ABCB1: variants seen among roughly 807,000 people sequenced by gnomAD.
ABCB1 encodes the protein ATP-dependent translocase ABCB1.
In ABCB1, 69 loss-of-function variants were observed where a neutral mutation model predicts 142.0. That is an observed-to-expected ratio of 0.49 (90% confidence interval 0.40 to 0.59). The LOEUF (loss-of-function observed/expected upper bound fraction) is 0.59. ABCB1 is among the 20% of genes least tolerant of loss of function. The pLI is 0.00. For synonymous variants in ABCB1, 532 were observed against 539.2 expected (o/e 0.99, Z 0.18); for missense variants, 1,326 against 1,554.7 (o/e 0.85, Z 2.47).
chr7:87,585,929 C>A (rs1818731798), intron 3 of ABCB1, among the ~76,000 whole-genome samples: 1 of 152,122 alleles, frequency 6.6e-6, no homozygotes, highest in South Asian at 2.1e-4. Flanking sequence ...TATATGAAGT[C>A]TAATGAGAAG....
At chr7:87,619,168 G>C (rs937424982) in intron 1 of ABCB1, among the ~76,000 whole-genome samples, 4 of 152,140 alleles carry the variant, frequency 2.6e-5, no homozygotes, top group African/African-American at 9.7e-5. Context: ...CTAAACATTG[G>C]CTTCCAAATT....
intron 21 of ABCB1, among the ~76,000 whole-genome samples, chr7:87,523,654 T>C (rs1205177644): frequency 1.3e-5 from 2 of 152,180 alleles, no homozygotes; most frequent in Non-Finnish European, 2.9e-5. Context: ...AATTATGTTG[T>C]AATCAAATGT....
intron 8 of ABCB1, among the ~76,000 whole-genome samples, chr7:87,559,267 T>C (rs1476110088): frequency 6.6e-6 from 1 of 152,128 alleles, no homozygotes; most frequent in East Asian, 1.9e-4. Flanking sequence ...AATTCAATTA[T>C]TTTAACGATT....
chr7:87,552,711 G>GAAAAAA (rs68010470), intron 9 of ABCB1, among the ~76,000 whole-genome samples: 1 of 141,352 alleles, frequency 7.1e-6, no homozygotes. Flanking sequence ...AGGCAAATTT[G>GAAAAAA]AAAAAAAAAG....
At chr7:87,577,928 A>G (rs1307217952) in intron 4 of ABCB1, among the ~76,000 whole-genome samples, 1 of 152,086 alleles carries the variant, frequency 6.6e-6, no homozygotes, top group East Asian at 1.9e-4. Flanking sequence ...ACTTGATGTG[A>G]TCCATTTGTC....
In ABCB1 at chr7:87,696,371, C is replaced by T. The variant is rs554700434; in HGVS notation, c.-331+16790G>A. On this transcript the variant is annotated intron_variant, in intron 1 of 28. Coordinates refer to the ABCB1 transcript ENST00000265724. ...CTTGTAACTTTGTTTTTAAATTTTC[C>T]TGTTAAATACAGGTTATAGACTTTT... Among the ~76,000 whole-genome samples, 5 of 152,074 alleles carry T rather than the reference C, an allele frequency of 3.3e-5. No individual in the cohort carries two copies. In the East Asian group the frequency reaches 9.7e-4, roughly 29 times the overall value.
rs779414215 is a variant in ABCB1, at chr7:87,546,008, G to C, written c.1742C>G (p.Thr581Ser). 6.2e-7 allele frequency: 1 copy of C among 1,614,106 alleles called. No homozygotes were observed. The highest frequency in any genetic ancestry group is 1.1e-5 in the South Asian group (1 of 91,076). Reference sequence around the variant, plus strand: ...CAAACGATGAGCTATCACAATGGTGGTCCGACCTTTTCTGGCCTAAAGAGA... The same window carrying C: ...CAAACGATGAGCTATCACAATGGTGCTCCGACCTTTTCTGGCCTAAAGAGA... ...VALDKARKGR[T>S]TIVIAHRLST... The change falls in exon 15 of 28, where the codon ACC becomes AGC. Residue 581 changes from threonine (T) to serine (S), a missense_variant. Physicochemically the swap from Thr to Ser is moderately conservative, Grantham distance 58. Transcript: ENST00000622132.
rs536000511 is a variant in ABCB1, at chr7:87,509,416, C to T, written c.3348G>A (p.Val1116=). The change falls in exon 26 of 28, where the codon GTG becomes GTA. Residue 1116 remains valine (V), a synonymous_variant. Transcript: ENST00000622132. ...AGTCAAACAGGATGGGCTCCTGGGA[C>T]ACGATGCCCAGGTGTGCTCGGAGCC... ...VQWLRAHLGI[V]SQEPILFDCS... 36 of 1,614,188 alleles carry T rather than the reference C, an allele frequency of 2.2e-5. No individual in the cohort carries two copies. The South Asian group carries it at 3.7e-4, about 17-fold the overall frequency.
chr7:87,552,509 C>T (rs1584873920), intron 9 of ABCB1, among the ~76,000 whole-genome samples: 3 of 152,076 alleles, frequency 2.0e-5, no homozygotes, highest in East Asian at 3.9e-4. Context: ...AAACCCCACA[C>T]TCCCTATTTT....
intron 21 of ABCB1, chr7:87,521,160 AAT>A: frequency 2.4e-6 from 1 of 424,204 alleles, no homozygotes; most frequent in East Asian, 4.9e-5. Context: ...GGCTTCGCAA[AAT>A]TAACCAGAGA....
chr7:87,528,999 G>C (rs751503245), intron 21 of ABCB1, among the ~76,000 whole-genome samples: 27 of 152,150 alleles, frequency 1.8e-4, no homozygotes, highest in Non-Finnish European at 4.4e-5. Context: ...TACAGAGTTT[G>C]GTAATCCATG....
chr7:87,699,878 G>A (rs1828862655), intron 1 of ABCB1, among the ~76,000 whole-genome samples: 1 of 152,096 alleles, frequency 6.6e-6, no homozygotes, highest in African/African-American at 2.4e-5. Context: ...TTGGGTAGGT[G>A]GTTATGCATT....
intron 1 of ABCB1, among the ~76,000 whole-genome samples, chr7:87,669,705 A>T (rs1422393542): frequency 6.6e-6 from 1 of 152,148 alleles, no homozygotes. Context: ...TCTGAAAAGG[A>T]TCTTATTTCT....
At chr7:87,568,406 T>G (rs1290721444) in intron 5 of ABCB1, among the ~76,000 whole-genome samples, 2 of 142,224 alleles carry the variant, frequency 1.4e-5, no homozygotes, top group African/African-American at 5.6e-5. Context: ...AGAGTAAAAC[T>G]CCATCTCAAA....
intron 1 of ABCB1, among the ~76,000 whole-genome samples, chr7:87,609,886 C>T (rs1819789344): frequency 6.6e-6 from 1 of 151,988 alleles, no homozygotes; most frequent in Non-Finnish European, 1.5e-5. Flanking sequence ...ATTGCTATTA[C>T]AAGTTGCACT....
At chr7:87,507,732 A>AG (rs1814814435) in intron 26 of ABCB1, among the ~76,000 whole-genome samples, 1 of 152,144 alleles carries the variant, frequency 6.6e-6, no homozygotes, top group South Asian at 2.1e-4. Flanking sequence ...GCTTTGTTTT[A>AG]GGGGGCACTT....
intron 8 of ABCB1, among the ~76,000 whole-genome samples, chr7:87,554,304 T>C (rs532126228): frequency 1.3e-5 from 2 of 148,802 alleles, no homozygotes; most frequent in East Asian, 4.0e-4. Context: ...CCTCTTTAAT[T>C]AATAAAATGG....
chr7:87,657,068 T>C (rs1165389732), intron 1 of ABCB1, among the ~76,000 whole-genome samples: 1 of 152,028 alleles, frequency 6.6e-6, no homozygotes, highest in African/African-American at 2.4e-5. Context: ...TTCCCCTATT[T>C]CTCTCACTAA....
chr7:87,557,708 T>C (rs1320291466), intron 8 of ABCB1, among the ~76,000 whole-genome samples: 1 of 152,212 alleles, frequency 6.6e-6, no homozygotes, highest in Admixed American at 6.5e-5. Flanking sequence ...CTGAATCCCT[T>C]TAAACTTTCA....
Sources: allele counts gnomAD v4.1 joint callset (sites outside exome capture counted in the v4.1 genomes callset), GRCh38; gene constraint gnomAD v4.1.1; transcripts MANE v1.5; gene names NCBI Gene and HGNC (gene_info 2026-07-23, HGNC 2026-07-21).